KLHL29: variants seen among roughly 807,000 people sequenced by gnomAD.
KLHL29 encodes kelch like family member 29, also known as kelch-like protein 29.
In KLHL29, 21 loss-of-function variants were observed where a neutral mutation model predicts 80.4. That is an observed-to-expected ratio of 0.26 (90% CI 0.19 to 0.38). The LOEUF (loss-of-function observed/expected upper bound fraction) is 0.38, where lower values mean the gene tolerates loss of function less well. KLHL29 is among the 10% of genes least tolerant of loss of function. The pLI is 1.00. For missense variants in KLHL29, 867 were observed against 1,223.9 expected (o/e 0.71, Z 4.35); for synonymous variants, 511 against 526.8 (o/e 0.97, Z 0.41).
Position 23,695,568 on chromosome 2 carries a change from G to T in KLHL29, c.1543-55G>T, listed in dbSNP as rs73922009. The T allele has an allele frequency of 2.9e-4, 369 of 1,252,518 alleles. No homozygotes were observed. The African/African-American group carries it at 5.0e-3, about 17-fold the overall frequency. The allele number at this position is 1,252,518 out of a possible 1,614,324, so 77.6% of individuals were successfully genotyped here. The stretch of plus-strand genomic sequence containing the variant: ...AGCCCCACACCATTTCTTTCCGTCC[G>T]GGAGGTGGCTCTCTCTTGCTAGTCT... On this transcript the variant is annotated intron_variant, in intron 8 of 13. Coordinates refer to ENST00000486442, the MANE Select transcript of KLHL29 (RefSeq NM_052920.2). This position sits in a 1 kb window ranked among gnomAD's most constrained non-coding sequence, Gnocchi z 7.6.
chr2:23,696,554 C>T lies in KLHL29; in HGVS notation c.2105+41C>T, dbSNP rs1671970652. 3 of 1,437,718 alleles carry T rather than the reference C, an allele frequency of 2.1e-6. No homozygotes were observed. Among genetic ancestry groups the T allele is most frequent in the Non-Finnish European group, 1.9e-6 (2 of 1,076,976 alleles). The allele number at this position is 1,437,718 out of a possible 1,614,324, so 89.1% of individuals were successfully genotyped here. A position where few individuals can be genotyped will look rare whatever the true frequency, so the allele number is the denominator to read the frequency against. On this transcript the variant is annotated intron_variant, in intron 11 of 13. Coordinates refer to ENST00000486442, the MANE Select transcript of KLHL29 (RefSeq NM_052920.2). The surrounding 1 kb of genome is among the most constrained non-coding windows in gnomAD (Gnocchi z 5.5). ...TCAGGACAGGGGCATGCTCTTTGCT[C>T]ACCAAGAACTGAAATCACGTCACTC...
At chr2:23,648,458 C>T (rs532720677) in intron 5 of KLHL29, among the ~76,000 whole-genome samples, 1 of 151,670 alleles carries the variant, frequency 6.6e-6, no homozygotes, top group Non-Finnish European at 1.5e-5. Flanking sequence ...TTTGAAACAC[C>T]TAGCTCCCAG....
At chr2:23,401,010 G>A (rs1666586798) in intron 1 of KLHL29, among the ~76,000 whole-genome samples, 1 of 152,252 alleles carries the variant, frequency 6.6e-6, no homozygotes, top group Non-Finnish European at 1.5e-5. Flanking sequence ...TCATAGGCCT[G>A]TTGGAGGTGG....
chr2:23,581,086 G>C (rs367657861), intron 3 of KLHL29, among the ~76,000 whole-genome samples: 1 of 140,284 alleles, frequency 7.1e-6, no homozygotes, highest in Non-Finnish European at 1.5e-5. Flanking sequence ...ATTCCTGGAG[G>C]CTTATTTTTT....
intron 2 of KLHL29, among the ~76,000 whole-genome samples, chr2:23,520,619 G>A (rs778064080): frequency 3.9e-5 from 6 of 152,160 alleles, no homozygotes; most frequent in East Asian, 3.9e-4. Flanking sequence ...AAGGACAGGC[G>A]CAGGTGATTA....
At chr2:23,391,914 TG>T (rs1666331414) in intron 1 of KLHL29, among the ~76,000 whole-genome samples, 1 of 152,216 alleles carries the variant, frequency 6.6e-6, no homozygotes, top group Admixed American at 6.5e-5. Flanking sequence ...ATGCTTTCCT[TG>T]GGGGCTTGTC....
intron 2 of KLHL29, among the ~76,000 whole-genome samples, chr2:23,551,129 A>G (rs1366508021): frequency 6.6e-6 from 1 of 152,244 alleles, no homozygotes; most frequent in African/African-American, 2.4e-5. Context: ...GGTAGCCACC[A>G]CAGCTCCCTC....
chr2:23,571,003 C>T (rs2103502444), intron 3 of KLHL29, among the ~76,000 whole-genome samples: 1 of 152,330 alleles, frequency 6.6e-6, no homozygotes, highest in Admixed American at 6.5e-5. Context: ...GCATTCGGGC[C>T]AGCCCTGCGC....
At position 23,493,782 on chromosome 2, in the gene KLHL29, T is replaced by C. The variant is rs17045482; in HGVS notation, c.-46+18115T>C. Among the ~76,000 whole-genome samples the C allele has an allele frequency of 5.4e-3, 816 of 152,310 alleles. 5 individuals carry two copies. The highest frequency in any genetic ancestry group is 0.018 in the African/African-American group (767 of 41,558). ...GGCCTTCTCCATAGGGACAGGAGAC[T>C]TTTTCTTTTAGTGAGAAAAATGGAA... is the stretch of plus-strand genomic sequence containing the variant. On this transcript the variant is annotated intron_variant, in intron 2 of 13. Transcript: ENST00000486442.
chr2:23,420,753 G>A (rs935095061), intron 1 of KLHL29, among the ~76,000 whole-genome samples: 1 of 152,118 alleles, frequency 6.6e-6, no homozygotes, highest in African/African-American at 2.4e-5. Flanking sequence ...TCCCAGCCAC[G>A]TCCACCCTTT....
At chr2:23,484,559 C>A (rs1664880282) in intron 2 of KLHL29, among the ~76,000 whole-genome samples, 1 of 152,192 alleles carries the variant, frequency 6.6e-6, no homozygotes, top group Non-Finnish European at 1.5e-5. Flanking sequence ...ACATTCTGTC[C>A]AGGCCCTTCT....
At chr2:23,620,905 C>T (rs1306435988) in intron 3 of KLHL29, among the ~76,000 whole-genome samples, 1 of 152,228 alleles carries the variant, frequency 6.6e-6, no homozygotes. Flanking sequence ...CTGGCTGGAG[C>T]GCTGCTGCCA....
At chr2:23,508,081 G>A (rs1280014423) in intron 2 of KLHL29, among the ~76,000 whole-genome samples, 1 of 152,210 alleles carries the variant, frequency 6.6e-6, no homozygotes, top group Non-Finnish European at 1.5e-5. Context: ...AGGGGCCTGG[G>A]TCTGAGGCCC....
intron 1 of KLHL29, among the ~76,000 whole-genome samples, chr2:23,406,649 C>T (rs1177942041): frequency 2.0e-5 from 3 of 152,186 alleles, no homozygotes; most frequent in South Asian, 2.1e-4. Flanking sequence ...TTCACAATTT[C>T]GGTATCACAC....
chr2:23,603,515 C>T (rs1668626939), intron 3 of KLHL29, among the ~76,000 whole-genome samples: 1 of 152,226 alleles, frequency 6.6e-6, no homozygotes, highest in Non-Finnish European at 1.5e-5. Context: ...CAGCCAGTTG[C>T]TTTCCAGGTG....
intron 5 of KLHL29, among the ~76,000 whole-genome samples, chr2:23,650,215 G>C (rs959773022): frequency 6.6e-6 from 1 of 152,238 alleles, no homozygotes; most frequent in African/African-American, 2.4e-5. Flanking sequence ...GGAGAAAAGA[G>C]GGGTCAGGTT....
At position 23,479,479 on chromosome 2, in the gene KLHL29, C is replaced by T. The variant is rs116246723; in HGVS notation, c.-46+3812C>T. On this transcript the variant is annotated intron_variant, in intron 2 of 13. Coordinates refer to ENST00000486442, the MANE Select transcript of KLHL29 (RefSeq NM_052920.2). ...GTGAGCTGCCGTCCTCCAGCTCCACCGCCTCCTCCTGCCAGGAAGGGAAGC... is the reference window on the plus strand; with the variant it reads ...GTGAGCTGCCGTCCTCCAGCTCCACTGCCTCCTCCTGCCAGGAAGGGAAGC... Among the ~76,000 whole-genome samples the T allele has an allele frequency of 2.4e-3, 371 of 152,162 alleles. 1 individual carries two copies. Among genetic ancestry groups the T allele is most frequent in the African/African-American group, 7.2e-3 (301 of 41,520 alleles).
rs1665697832 is a variant in KLHL29, at chr2:23,509,189, G to T, written c.-46+33522G>T. Among the ~76,000 whole-genome samples the T allele has an allele frequency of 2.6e-5, 4 of 152,158 alleles. No homozygotes were observed. The South Asian group carries it at 8.3e-4, about 32-fold the overall frequency. On this transcript the variant is annotated intron_variant, in intron 2 of 13. Transcript: ENST00000486442. ...CAGGAGCAGATGCTTCAGGCACCCGGGAAGACTGCGGCTGGTGGAGACCTG... is the reference window on the plus strand; with the variant it reads ...CAGGAGCAGATGCTTCAGGCACCCGTGAAGACTGCGGCTGGTGGAGACCTG...
intron 1 of KLHL29, among the ~76,000 whole-genome samples, chr2:23,420,523 C>CT (rs1266579245): frequency 6.6e-6 from 1 of 152,214 alleles, no homozygotes; most frequent in African/African-American, 2.4e-5. Flanking sequence ...AAAGCGACTG[C>CT]TGCCCTCTGA....
Sources: gnomAD v4.1 joint callset for allele counts (sites outside exome capture counted in the v4.1 genomes callset) on GRCh38, gnomAD v4.1.1 for gene constraint, Gnocchi (gnomAD v3.1) non-coding constraint, MANE v1.5 for transcripts, NCBI Gene and HGNC (gene_info 2026-07-23, HGNC 2026-07-21) for gene names.